The following GRIA4 variants were observed in gnomAD, a reference collection of about 807,000 sequenced individuals.
GRIA4 encodes the protein glutamate receptor 4.
GRIA4 carries 34 observed loss-of-function variants against 104.0 expected under a neutral mutation model. That is an observed-to-expected ratio of 0.33 (90% confidence interval 0.25 to 0.44). GRIA4 has a LOEUF of 0.44. Among genes scored for constraint, GRIA4 ranks in the 20% least tolerant of loss-of-function variants. The pLI, the probability that GRIA4 is intolerant of heterozygous loss-of-function variation, is 1.00. For synonymous variants in GRIA4, 386 were observed against 381.9 expected, an observed-to-expected ratio of 1.01 and a Z score of -0.13; for missense variants, 750 against 1,096.5, an observed-to-expected ratio of 0.68 and a Z score of 4.46.
chr11:105,791,283 T>C (rs533164853), intron 4 of GRIA4, among the ~76,000 whole-genome samples: 12 of 152,160 alleles, frequency 7.9e-5, no homozygotes, highest in Non-Finnish European at 1.5e-4. Context: ...CTGTCCACAG[T>C]GGTAAAGAGA....
intron 13 of GRIA4, 70 bp from the exon 14 acceptor site, chr11:105,933,652 C>A: frequency 8.5e-7 from 1 of 1,173,724 alleles, no homozygotes; most frequent in Non-Finnish European, 1.2e-6. Context: ...TTATTCTTAT[C>A]TTGGTTCAGC....
intron 6 of GRIA4, among the ~76,000 whole-genome samples, chr11:105,892,709 T>C (rs1946500822): frequency 6.6e-6 from 1 of 152,202 alleles, no homozygotes; most frequent in South Asian, 2.1e-4. Context: ...TTTTAACTTT[T>C]CTGCATTGAG....
At chr11:105,617,123 A>G (rs1950620266) in intron 3 of GRIA4, among the ~76,000 whole-genome samples, 1 of 149,702 alleles carries the variant, frequency 6.7e-6, no homozygotes, top group African/African-American at 2.4e-5. Flanking sequence ...ATATATATAC[A>G]TATGATTATA....
chr11:105,940,162 C>T (rs150252041), intron 14 of GRIA4, among the ~76,000 whole-genome samples: 2,242 of 152,064 alleles, frequency 0.015, 30 homozygotes, highest in Middle Eastern at 0.031. Flanking sequence ...GTCAGGAGTT[C>T]GAGACCAGCT....
At chr11:105,928,573 C>T (rs1474672172) in intron 13 of GRIA4, among the ~76,000 whole-genome samples, 1 of 151,928 alleles carries the variant, frequency 6.6e-6, no homozygotes, top group African/African-American at 2.4e-5. Flanking sequence ...TAAAATTTAA[C>T]GATTTCGCCT....
At chr11:105,971,384 A>G (rs551893) in intron 14 of GRIA4, among the ~76,000 whole-genome samples, 152,194 of 152,314 alleles carry the variant, frequency 1, 76,037 homozygotes, top group Middle Eastern at 1. Flanking sequence ...GAAATCACCC[A>G]CCTTTTTCAA....
chr11:105,898,492 A>T (rs1384532774), intron 7 of GRIA4, 65 bp downstream of exon 7: 7 of 1,005,964 alleles, frequency 7.0e-6, no homozygotes, highest in Non-Finnish European at 1.0e-5. Flanking sequence ...AAAGTTTATT[A>T]TACAGTTTTT....
chr11:105,744,748 C>T (rs1939539055), intron 3 of GRIA4, among the ~76,000 whole-genome samples: 3 of 152,194 alleles, frequency 2.0e-5, no homozygotes, highest in Admixed American at 2.0e-4. Flanking sequence ...TTATACATCA[C>T]ATACAAATTG....
intron 3 of GRIA4, among the ~76,000 whole-genome samples, chr11:105,724,554 A>T (rs1433552256): frequency 6.6e-6 from 1 of 152,040 alleles, no homozygotes; most frequent in East Asian, 1.9e-4. Flanking sequence ...CAAATACTAC[A>T]TGCTCTCACT....
intron 4 of GRIA4, among the ~76,000 whole-genome samples, chr11:105,789,558 T>C (rs771537705): frequency 2.0e-5 from 3 of 152,136 alleles, no homozygotes; most frequent in Non-Finnish European, 4.4e-5. Flanking sequence ...TAATCAGCCT[T>C]GGTGCTGGAT....
chr11:105,764,898 G>C (rs190370280), intron 4 of GRIA4, among the ~76,000 whole-genome samples: 1 of 151,902 alleles, frequency 6.6e-6, no homozygotes, highest in African/African-American at 2.4e-5. Flanking sequence ...AAAAACATGG[G>C]AACAAGGTAG....
At chr11:105,753,927 C>T (rs1389764737) in intron 4 of GRIA4, among the ~76,000 whole-genome samples, 1 of 152,032 alleles carries the variant, frequency 6.6e-6, no homozygotes, top group Non-Finnish European at 1.5e-5. Context: ...AGCCACCCTC[C>T]AGGAATCTCC....
chr11:105,825,928 C>G (rs1386983702), intron 4 of GRIA4, among the ~76,000 whole-genome samples: 1 of 152,036 alleles, frequency 6.6e-6, no homozygotes, highest in African/African-American at 2.4e-5. Flanking sequence ...ACTCACAGCA[C>G]CACTTTAGCT....
chr11:105,911,035 T>C (rs1947218085), intron 10 of GRIA4, among the ~76,000 whole-genome samples: 1 of 152,132 alleles, frequency 6.6e-6, no homozygotes, highest in African/African-American at 2.4e-5. Context: ...AAGATGTGAC[T>C]GTGAAGATTT....
At chr11:105,871,920 G>A (rs1251098237) in intron 5 of GRIA4, among the ~76,000 whole-genome samples, 1 of 151,960 alleles carries the variant, frequency 6.6e-6, no homozygotes, top group Non-Finnish European at 1.5e-5. Context: ...ACACTGAAGG[G>A]AAATAAGAAA....
chr11:105,706,858 A>C (rs910709439), intron 3 of GRIA4: 21 of 152,328 alleles, frequency 1.4e-4, no homozygotes, highest in African/African-American at 4.3e-4. Context: ...ATGGAAAAAC[A>C]CTGAAAGATG....
chr11:105,794,471 A>G (rs145076960), intron 4 of GRIA4, among the ~76,000 whole-genome samples: 1,814 of 56,006 alleles, frequency 0.032, 125 homozygotes, highest in African/African-American at 0.14. Flanking sequence ...GTGTATATGT[A>G]TGTATATATA....
At chr11:105,837,574 AAGGTG>A (rs1191863744) in intron 4 of GRIA4, among the ~76,000 whole-genome samples, 2 of 152,118 alleles carry the variant, frequency 1.3e-5, no homozygotes, top group Non-Finnish European at 2.9e-5. Flanking sequence ...CCAACTGCTG[AAGGTG>A]AGATTAGTAC....
chr11:105,956,603 A>G (rs1948597349), intron 14 of GRIA4, among the ~76,000 whole-genome samples: 1 of 152,216 alleles, frequency 6.6e-6, no homozygotes, highest in Non-Finnish European at 1.5e-5. Context: ...CATGATTTAT[A>G]ATCCTTTGGG....
Sources: gnomAD v4.1 joint callset for allele counts (sites outside exome capture counted in the v4.1 genomes callset) on GRCh38, gnomAD v4.1.1 for gene constraint, MANE v1.5 for transcripts, NCBI Gene and HGNC (gene_info 2026-07-23, HGNC 2026-07-21) for gene names.